KCTD1: variants seen among roughly 807,000 people sequenced by gnomAD.
The protein encoded by KCTD1 is BTB/POZ domain-containing protein KCTD1.
KCTD1 carries 24 observed loss-of-function variants against 66.0 expected under a neutral mutation model. That is an observed-to-expected ratio of 0.36 (90% confidence interval 0.26 to 0.51). KCTD1 has a LOEUF of 0.51. KCTD1 is among the 20% of genes least tolerant of loss of function. KCTD1 has a pLI of 0.95. For synonymous variants in KCTD1, 511 were observed against 517.2 expected, an observed-to-expected ratio of 0.99 and a Z score of 0.16; for missense variants, 943 against 1,205.2, an observed-to-expected ratio of 0.78 and a Z score of 3.22.
intron 1 of KCTD1, among the ~76,000 whole-genome samples, chr18:26,614,539 G>A (rs1987208117): frequency 6.6e-6 from 1 of 152,222 alleles, no homozygotes; most frequent in African/African-American, 2.4e-5. Context: ...ACAACACAGA[G>A]TGAGCAGAGA....
rs577338469 is a variant in KCTD1, at chr18:26,628,573, T to TA, written c.-16+573dup. On this transcript the variant is annotated intron_variant, in intron 1 of 4. Transcript: ENST00000317932. ...AGTTTGCATTTGGGAAATAAAATAG[T>TA]AAAAAAAAAAAAGTGTCTGAGTGAT... 4.3e-3 allele frequency among the ~76,000 whole-genome samples: 627 copies of TA among 144,908 alleles called. 4 individuals carry two copies. The highest frequency in any genetic ancestry group is 0.035 in the South Asian group (160 of 4,604).
At chr18:26,521,251 G>C (rs1983896420) in intron 1 of KCTD1, among the ~76,000 whole-genome samples, 1 of 152,352 alleles carries the variant, frequency 6.6e-6, no homozygotes, top group East Asian at 1.9e-4. Flanking sequence ...GGTGCCCACT[G>C]TGTGTTAGGC....
chr18:26,589,968 G>A (rs76173577), intron 1 of KCTD1, among the ~76,000 whole-genome samples: 45 of 152,298 alleles, frequency 3.0e-4, no homozygotes, highest in African/African-American at 9.6e-4. Context: ...AAGGGGAGTC[G>A]ATCTGAGAAG....
In KCTD1 at chr18:26,518,442, T is replaced by C. The variant is rs1598913280; in HGVS notation, c.1810-17192A>G. On this transcript the variant is annotated intron_variant, in intron 1 of 4. Transcript: ENST00000580059. ...CACCATGCCTGGCTAAATTTTGTATTTTTAGTAGAGACGGGGTTTCACCAC... is the reference window on the plus strand; with the variant it reads ...CACCATGCCTGGCTAAATTTTGTATCTTTAGTAGAGACGGGGTTTCACCAC... Among the ~76,000 whole-genome samples the C allele has an allele frequency of 2.0e-5, 3 of 152,270 alleles. No homozygotes were observed. In the East Asian group the frequency reaches 5.8e-4, roughly 29 times the overall value.
At position 26,547,454 on chromosome 18, in the gene KCTD1, C is replaced by A. The variant is rs75458797; in HGVS notation, c.1083G>T (p.Ser361=). 1.9e-6 allele frequency: 3 copies of A among 1,551,374 alleles called. No homozygotes were observed. The highest frequency in any genetic ancestry group is 2.0e-5 in the Admixed American group (1 of 50,986). ...LGPYHKSRSS[S]WSKKRAESSD... The stretch of plus-strand genomic sequence containing the variant: ...TGCTCTCGGCGCGCTTCTTGCTCCA[C>A]GACGACGAGCGCGACTTGTGGTAGG... Residue 361 remains serine (S), a synonymous_variant, in exon 1 of 5, where the codon TCG becomes TCT. Coordinates refer to ENST00000580059, the MANE Select transcript of KCTD1 (RefSeq NM_001142730.3).
upstream of KCTD1, among the ~76,000 whole-genome samples, chr18:26,644,579 G>A (rs1175590823): frequency 4.6e-5 from 7 of 152,066 alleles, no homozygotes; most frequent in African/African-American, 1.7e-4. Flanking sequence ...GCCAAATGGT[G>A]AAACCCTGTC....
At chr18:26,548,692 G>C, upstream of KCTD1, 3 of 1,030,100 alleles carry the variant, frequency 2.9e-6, no homozygotes, top group Non-Finnish European at 3.6e-6. Flanking sequence ...GCGCAGCTCC[G>C]GAGGGGCAGC....
chr18:26,616,107 T>A (rs1037100826), intron 1 of KCTD1, among the ~76,000 whole-genome samples: 7 of 152,006 alleles, frequency 4.6e-5, no homozygotes, highest in African/African-American at 1.7e-4. Flanking sequence ...TGCTTTTAAT[T>A]GTCATGGCAG....
chr18:26,641,201 G>A (rs545621221), upstream of KCTD1, among the ~76,000 whole-genome samples: 1 of 152,236 alleles, frequency 6.6e-6, no homozygotes, highest in South Asian at 2.1e-4. Flanking sequence ...CTTTGTTCAA[G>A]TTCCCTGCCC....
At position 26,548,273 on chromosome 18, in the gene KCTD1, G is replaced by C; in HGVS notation, c.264C>G (p.Asp88Glu). Residue 88 changes from aspartate (D) to glutamate (E), a missense_variant, in exon 1 of 5, where the codon GAC (aspartate) becomes GAG (glutamate). Around this residue, in one of 10 missense-constraint regions of KCTD1, gnomAD observed 236 missense variants for 206.6 expected, o/e 1.14. Coordinates refer to ENST00000580059, the MANE Select transcript of KCTD1 (RefSeq NM_001142730.3). ...EEDGGGGLEE[D>E]EEEEEEEEMG... ...TCTCCTCCTCTTCCTCCTCCTCCTC[G>C]TCCTCCTCCAGCCCCCCACCTCCGT... 2 of 1,498,810 alleles carry C rather than the reference G, an allele frequency of 1.3e-6. No individual in the cohort carries two copies. The highest frequency in any genetic ancestry group is 1.3e-5 in the South Asian group (1 of 78,926). The allele number at this position is 1,498,810 out of a possible 1,614,324, so 92.8% of individuals were successfully genotyped here. A position where few individuals can be genotyped will look rare whatever the true frequency, so the allele number is the denominator to read the frequency against.
intron 1 of KCTD1, among the ~76,000 whole-genome samples, chr18:26,608,082 A>G (rs1234793302): frequency 6.6e-6 from 1 of 152,104 alleles, no homozygotes; most frequent in Non-Finnish European, 1.5e-5. Flanking sequence ...CAAATTCTTA[A>G]AGTTTCTCAA....
At chr18:26,617,219 G>A (rs1013524044) in intron 1 of KCTD1, among the ~76,000 whole-genome samples, 5 of 152,170 alleles carry the variant, frequency 3.3e-5, no homozygotes, top group Admixed American at 6.5e-5. Flanking sequence ...CATTTCTCCA[G>A]GCTAAGTCCA....
chr18:26,546,469 G>A lies in KCTD1; in HGVS notation c.1809+259C>T, dbSNP rs527615992. Among the ~76,000 whole-genome samples the A allele has an allele frequency of 2.0e-5, 3 of 152,160 alleles. No homozygotes were observed. The South Asian group carries it at 6.2e-4, about 32-fold the overall frequency. On this transcript the variant is annotated intron_variant, in intron 1 of 4. Coordinates refer to ENST00000580059, the MANE Select transcript of KCTD1 (RefSeq NM_001142730.3). ...CAAGAGTGAGCTAATCCTTTTGTTC[G>A]GCGAACTTTGAAGTTTTTCGCCTTA... is the stretch of plus-strand genomic sequence containing the variant.
chr18:26,647,519 C>CAAAAAAAAAAAAAAAAAAAAAAAAAAAAA (rs57856118), intron 1 of KCTD1, among the ~76,000 whole-genome samples: 4 of 57,306 alleles, frequency 7.0e-5, no homozygotes, highest in Admixed American at 6.0e-4. Context: ...GACTCCATCT[C>CAAAAAAAAAAAAAAAAAAAAAAAAAAAAA]AAAAAAAAAA....
intron 1 of KCTD1, among the ~76,000 whole-genome samples, chr18:26,512,807 C>A (rs1046868141): frequency 6.6e-6 from 1 of 151,986 alleles, no homozygotes; most frequent in Admixed American, 6.6e-5. Context: ...ATGGTGAAAT[C>A]CCATCTCTAC....
At chr18:26,458,743 G>T (rs1343987950) in intron 4 of KCTD1, 1 of 152,126 alleles carries the variant, frequency 6.6e-6, no homozygotes, top group Non-Finnish European at 1.5e-5. Flanking sequence ...TAGTCATCCC[G>T]GGCTTATGTC....
At chr18:26,600,214 A>C in intron 1 of KCTD1, 1 of 1,601,090 alleles carries the variant, frequency 6.2e-7, no homozygotes, top group South Asian at 1.1e-5. Context: ...CTCCCAGCCC[A>C]AGTCGGCTTG....
intron 1 of KCTD1, among the ~76,000 whole-genome samples, chr18:26,529,934 A>C (rs934190214): frequency 6.6e-6 from 1 of 152,242 alleles, no homozygotes; most frequent in Non-Finnish European, 1.5e-5. Flanking sequence ...GAAAGTGAGA[A>C]GAGGTGATAA....
intron 2 of KCTD1, among the ~76,000 whole-genome samples, chr18:26,492,316 C>G (rs1321755205): frequency 6.6e-6 from 1 of 151,994 alleles, no homozygotes; most frequent in East Asian, 1.9e-4. Context: ...CCAGTTGATT[C>G]TAACCTGCCC....
Sources: allele counts gnomAD v4.1 joint callset (sites outside exome capture counted in the v4.1 genomes callset), GRCh38; gene constraint gnomAD v4.1.1; regional missense constraint gnomAD v4.1.1; transcripts MANE v1.5; gene names NCBI Gene and HGNC (gene_info 2026-07-23, HGNC 2026-07-21).